The following GABRA1 variants were observed in gnomAD, a reference collection of about 807,000 sequenced individuals.
The protein encoded by GABRA1 is gamma-aminobutyric acid type A receptor subunit alpha1, also known as gamma-aminobutyric acid receptor subunit alpha-1.
A neutral mutation model predicts 48.9 loss-of-function variants in GABRA1; 9 were observed. That is an observed-to-expected ratio of 0.18 (90% CI 0.11 to 0.32). The LOEUF (loss-of-function observed/expected upper bound fraction) is 0.32, where lower values mean the gene tolerates loss of function less well. GABRA1 is among the 10% of genes least tolerant of loss of function. The probability of loss-of-function intolerance (pLI) is 1.00; values close to 1 mark genes in which losing one functional copy is unlikely to be tolerated. For synonymous variants in GABRA1, 210 were observed against 198.7 expected (o/e 1.06, Z -0.48); for missense variants, 285 against 553.8 (o/e 0.51, Z 4.87).
chr5:161,897,564 AGAGACCCCT>A lies in GABRA1; in HGVS notation c.*144_*152del. 1 of 831,962 alleles carries A rather than the reference AGAGACCCCT, an allele frequency of 1.2e-6. No individual in the cohort carries two copies. The highest frequency in any genetic ancestry group is 1.9e-6 in the Non-Finnish European group (1 of 527,556). The allele number at this position is 831,962 out of a possible 1,614,324, so 51.5% of individuals were successfully genotyped here. On this transcript the variant is annotated 3_prime_UTR_variant, in exon 10 of 10. Coordinates refer to ENST00000393943, the MANE Select transcript of GABRA1 (RefSeq NM_001127644.2). ...TATTTTCATAATTCATTTAAGAACA[AGAGACCCCT>A]GTCTGGCAGTCTGGAGCAAAGCAGA...
chr5:161,886,223 G>A (rs1754838640), intron 7 of GABRA1, among the ~76,000 whole-genome samples: 1 of 152,096 alleles, frequency 6.6e-6, no homozygotes, highest in South Asian at 2.1e-4. Flanking sequence ...AGGCATCAGA[G>A]ACACATGAGA....
At chr5:161,852,428 A>C (rs777342980) in intron 2 of GABRA1, among the ~76,000 whole-genome samples, 4 of 151,996 alleles carry the variant, frequency 2.6e-5, no homozygotes, top group Non-Finnish European at 5.9e-5. Flanking sequence ...AGAGTTCCCG[A>C]TCAGGGCCTC....
chr5:161,887,922 G>A lies in GABRA1; in HGVS notation c.704-2976G>A, dbSNP rs113489541. On this transcript the variant is annotated intron_variant, in intron 7 of 9. Coordinates refer to ENST00000393943, the MANE Select transcript of GABRA1 (RefSeq NM_001127644.2). ...TAATTGGACAAATCGGGAAACTGTA[G>A]CCAAATGAACCTATGCAAGGTATTT... 8.1e-3 allele frequency among the ~76,000 whole-genome samples: 1,227 copies of A among 152,242 alleles called. 16 individuals are homozygous for A. The highest frequency in any genetic ancestry group is 0.028 in the African/African-American group (1,155 of 41,572).
At chr5:161,872,364 C>T (rs898209551) in intron 4 of GABRA1, 1 of 152,568 alleles carries the variant, frequency 6.6e-6, no homozygotes, top group Non-Finnish European at 1.5e-5. Flanking sequence ...TAAATAGATT[C>T]CCTGGCTGTG....
Position 161,873,232 on chromosome 5 carries a change from C to T in GABRA1, c.371C>T (p.Pro124Leu). 6.2e-7 allele frequency: 1 copy of T among 1,613,750 alleles called. No individual in the cohort carries two copies. The highest frequency in any genetic ancestry group is 2.2e-5 in the East Asian group (1 of 44,876). The change falls in exon 5 of 10, where the codon CCG becomes CTG. Residue 124 changes from proline (P) to leucine (L), a missense_variant. Around this residue, in one of 6 missense-constraint regions of GABRA1, gnomAD observed 105 missense variants for 267.4 expected, o/e 0.39. Coordinates refer to ENST00000393943, the MANE Select transcript of GABRA1 (RefSeq NM_001127644.2). ...CTAATGGCAAGTAAAATCTGGACTC[C>T]GGACACATTTTTCCACAATGGAAAG... is the stretch of plus-strand genomic sequence containing the variant. ...NNLMASKIWT[P>L]DTFFHNGKKS... is the part of the protein sequence containing the mutation.
At chr5:161,859,296 A>G (rs1394075823) in intron 3 of GABRA1, among the ~76,000 whole-genome samples, 1 of 151,708 alleles carries the variant, frequency 6.6e-6, no homozygotes, top group East Asian at 1.9e-4. Context: ...ATTTATGCCA[A>G]TATAAAACCT....
chr5:161,859,265 AT>A (rs919269970), intron 3 of GABRA1, among the ~76,000 whole-genome samples: 153 of 151,710 alleles, frequency 1.0e-3, no homozygotes, highest in African/African-American at 3.6e-3. Flanking sequence ...TTACCATCAT[AT>A]TTTTTCCTAA....
Position 161,898,512 on chromosome 5 carries a change from G to A in GABRA1, c.*1090G>A, listed in dbSNP as rs1755474949. 6.6e-6 allele frequency: 1 copy of A among 152,230 alleles called. No individual in the cohort carries two copies. Among genetic ancestry groups the A allele is most frequent in the African/African-American group, 2.4e-5 (1 of 41,404 alleles). 9.4% of individuals were successfully genotyped at this position (152,230 alleles called of 1,614,324 possible). On this transcript the variant is annotated 3_prime_UTR_variant, in exon 10 of 10. Coordinates refer to ENST00000393943, the MANE Select transcript of GABRA1 (RefSeq NM_001127644.2). ...GTAAGAATCACTGCACTTAGCTGTT[G>A]GAATGTTGTTAAATGCTATGGAAAT...
rs1026447 is a variant in GABRA1 at position 161,890,764 on chromosome 5, C to T, written c.704-134C>T. The stretch of plus-strand genomic sequence containing the variant: ...TTTTATTTTCTGGATAAAAACTTTT[C>T]CCTCCAAGAACTGGATGTCACATGG... On this transcript the variant is annotated intron_variant, in intron 7 of 9. Coordinates refer to ENST00000393943, the MANE Select transcript of GABRA1 (RefSeq NM_001127644.2). The T allele has an allele frequency of 0.78, 610,732 of 785,010 alleles. 238,957 individuals carry two copies. Among genetic ancestry groups the T allele is most frequent in the African/African-American group, 0.94 (54,675 of 58,074 alleles). 48.6% of individuals were successfully genotyped at this position (785,010 alleles called of 1,614,324 possible).
In GABRA1 at chr5:161,899,636, G is replaced by A. The variant is rs141464277; in HGVS notation, c.*2214G>A. ...ATTCTACTGTATAAATGATTGCAAA[G>A]TTTATCAAAAACAAATTATTATATG... On this transcript the variant is annotated 3_prime_UTR_variant, in exon 10 of 10. Transcript: ENST00000393943. 4 of 152,264 alleles carry A rather than the reference G, an allele frequency of 2.6e-5. No homozygotes were observed. The East Asian group carries it at 5.8e-4, about 22-fold the overall frequency. The allele number at this position is 152,264 out of a possible 1,614,324, so 9.4% of individuals were successfully genotyped here.
chr5:161,866,602 A>G (rs1353907681), intron 4 of GABRA1, among the ~76,000 whole-genome samples: 2 of 152,148 alleles, frequency 1.3e-5, no homozygotes, highest in Non-Finnish European at 2.9e-5. Context: ...TAGCTCACAG[A>G]GGGTCAGAAT....
chr5:161,856,295 G>T (rs1458196845), intron 3 of GABRA1, among the ~76,000 whole-genome samples: 1 of 151,294 alleles, frequency 6.6e-6, no homozygotes, highest in Non-Finnish European at 1.5e-5. Flanking sequence ...TGCTATTTTT[G>T]TAGAATCTAC....
chr5:161,884,624 C>G (rs898020457), intron 7 of GABRA1, among the ~76,000 whole-genome samples: 1 of 152,078 alleles, frequency 6.6e-6, no homozygotes, highest in Non-Finnish European at 1.5e-5. Context: ...TAAATAATCA[C>G]TCTCTAGGCT....
intron 7 of GABRA1, among the ~76,000 whole-genome samples, chr5:161,889,027 G>T (rs186853347): frequency 1.1e-4 from 16 of 152,006 alleles, no homozygotes; most frequent in African/African-American, 3.4e-4. Flanking sequence ...TATGTATGTA[G>T]TTAAATAACT....
At chr5:161,852,133 A>G (rs1042610118) in intron 2 of GABRA1, among the ~76,000 whole-genome samples, 1 of 148,986 alleles carries the variant, frequency 6.7e-6, no homozygotes, top group Non-Finnish European at 1.5e-5. Flanking sequence ...CACGTAAAAT[A>G]AAGATTTCCA....
At chr5:161,884,532 A>G (rs971419368) in intron 7 of GABRA1, among the ~76,000 whole-genome samples, 4 of 152,200 alleles carry the variant, frequency 2.6e-5, no homozygotes, top group Admixed American at 1.3e-4. Context: ...ATGAATAAAA[A>G]GTAAATCCAG....
At chr5:161,884,383 T>G (rs1754747775) in intron 7 of GABRA1, among the ~76,000 whole-genome samples, 1 of 152,136 alleles carries the variant, frequency 6.6e-6, no homozygotes, top group South Asian at 2.1e-4. Context: ...ACACATAAAC[T>G]GTAATTATCA....
chr5:161,879,299 A>G (rs1366308568), intron 6 of GABRA1, among the ~76,000 whole-genome samples: 1 of 152,010 alleles, frequency 6.6e-6, no homozygotes, highest in African/African-American at 2.4e-5. Context: ...TTTTGTAGAG[A>G]CAGAATTTTG....
In GABRA1 at chr5:161,865,924, T is replaced by G. The variant is rs534931503; in HGVS notation, c.255+136T>G. The G allele has an allele frequency of 4.6e-5, 30 of 655,864 alleles. No homozygotes were observed. In the South Asian group the frequency reaches 5.0e-4, roughly 11 times the overall value. The allele number at this position is 655,864 out of a possible 1,614,324, so 40.6% of individuals were successfully genotyped here. A position where few individuals can be genotyped will look rare whatever the true frequency, so the allele number is the denominator to read the frequency against. On this transcript the variant is annotated intron_variant, in intron 4 of 9. Transcript: ENST00000393943. ...CTTTTGTGTCTTTCTGTGTGTAATATGTAATATGTAATATAATATTTATAC... is the reference window on the plus strand; with the variant it reads ...CTTTTGTGTCTTTCTGTGTGTAATAGGTAATATGTAATATAATATTTATAC...
Sources: gnomAD v4.1 joint callset for allele counts (sites outside exome capture counted in the v4.1 genomes callset) on GRCh38, gnomAD v4.1.1 for gene constraint, gnomAD v4.1.1 regional missense constraint, MANE v1.5 for transcripts, NCBI Gene and HGNC (gene_info 2026-07-23, HGNC 2026-07-21) for gene names.